Variants in SLC25A18 observed in about 807,000 individuals in gnomAD.
SLC25A18 encodes the protein solute carrier family 25 member 18.
SLC25A18 carries 24 observed loss-of-function variants against 31.1 expected under a neutral mutation model. That is an observed-to-expected ratio of 0.77 (90% CI 0.56 to 1.08). SLC25A18 has a LOEUF of 1.08. Among genes scored for constraint, SLC25A18 ranks in the 50% least tolerant of loss-of-function variants. The pLI is 0.00. For synonymous variants in SLC25A18, 173 were observed against 161.9 expected, an observed-to-expected ratio of 1.07 and a Z score of -0.52; for missense variants, 371 against 418.5, an observed-to-expected ratio of 0.89 and a Z score of 0.99.
At chr22:17,587,047 C>A in intron 7 of SLC25A18, 89 bp from the exon 8 acceptor site, 4 of 1,460,462 alleles carry the variant, frequency 2.7e-6, no homozygotes, top group Non-Finnish European at 3.8e-6. Context: ...TCTGAACTGT[C>A]CCAGGGGCAG....
intron 7 of SLC25A18, among the ~76,000 whole-genome samples, chr22:17,584,403 G>GA (rs112315489): frequency 2.6e-5 from 3 of 117,536 alleles, no homozygotes; most frequent in Admixed American, 8.9e-5. Flanking sequence ...AAAAAGAAAA[G>GA]AAAGAAAGAA....
intron 1 of SLC25A18, among the ~76,000 whole-genome samples, chr22:17,565,023 A>G (rs961892553): frequency 6.6e-6 from 1 of 151,744 alleles, no homozygotes; most frequent in African/African-American, 2.4e-5. Flanking sequence ...GGATGCTCTT[A>G]TTTCTGCCTG....
At chr22:17,564,569 G>A (rs912937001) in intron 1 of SLC25A18, among the ~76,000 whole-genome samples, 32 of 152,020 alleles carry the variant, frequency 2.1e-4, no homozygotes, top group African/African-American at 7.5e-4. Context: ...TTTTAGAAAG[G>A]ACTTAAGTTG....
At chr22:17,586,079 C>T (rs1402657755) in intron 7 of SLC25A18, among the ~76,000 whole-genome samples, 1 of 152,186 alleles carries the variant, frequency 6.6e-6, no homozygotes, top group African/African-American at 2.4e-5. Context: ...GAAGGACCTG[C>T]TCACCTTATC....
intron 2 of SLC25A18, among the ~76,000 whole-genome samples, chr22:17,578,982 G>T (rs1266082141): frequency 6.6e-6 from 1 of 152,160 alleles, no homozygotes. Flanking sequence ...AATGTAGTTT[G>T]GTTTCTCAAC....
intron 2 of SLC25A18, among the ~76,000 whole-genome samples, chr22:17,574,770 C>A (rs1319629337): frequency 6.6e-6 from 1 of 150,390 alleles, no homozygotes; most frequent in Non-Finnish European, 1.5e-5. Flanking sequence ...TCCACCCACC[C>A]TCGGCCTCCC....
intron 7 of SLC25A18, among the ~76,000 whole-genome samples, chr22:17,586,338 T>A (rs1300757842): frequency 7.0e-6 from 1 of 142,590 alleles, no homozygotes; most frequent in Admixed American, 6.9e-5. Flanking sequence ...GTAAGACACC[T>A]TCTCTACTAA....
intron 2 of SLC25A18, among the ~76,000 whole-genome samples, chr22:17,572,782 C>T (rs1301287147): frequency 6.8e-6 from 1 of 147,092 alleles, no homozygotes; most frequent in Non-Finnish European, 1.5e-5. Flanking sequence ...GCTGGGACTA[C>T]AGGCGCCCGC....
At chr22:17,582,805 T>C in intron 6 of SLC25A18, 152 bp downstream of exon 6, 1 of 687,212 alleles carries the variant, frequency 1.5e-6, no homozygotes, top group South Asian at 1.8e-5. Context: ...TTTGGGCTGC[T>C]GGAGAGTGAA....
rs565371636 is a variant in SLC25A18, at chr22:17,586,264, C to G, written c.410-872C>G. 7.2e-5 allele frequency among the ~76,000 whole-genome samples: 11 copies of G among 152,318 alleles called. No individual in the cohort carries two copies. In the South Asian group the frequency reaches 2.3e-3, roughly 32 times the overall value. ...GTGCGGTGGCTCACGCCTGTAATCCCAGCACTTTGGGAGGCAGGTGGATCA... is the reference window on the plus strand; with the variant it reads ...GTGCGGTGGCTCACGCCTGTAATCCGAGCACTTTGGGAGGCAGGTGGATCA... On this transcript the variant is annotated intron_variant, in intron 7 of 10. Coordinates refer to ENST00000327451, the MANE Select transcript of SLC25A18 (RefSeq NM_031481.3).
intron 3 of SLC25A18, chr22:17,580,570 T>C (rs1320449445): frequency 1.0e-6 from 1 of 990,638 alleles, no homozygotes; most frequent in African/African-American, 1.7e-5. Context: ...AGGCACGGTT[T>C]CCATAGTCCT....
chr22:17,581,381 C>A lies in SLC25A18; in HGVS notation c.167C>A (p.Ala56Asp), dbSNP rs548636777. The A allele has an allele frequency of 1.2e-6, 2 of 1,614,122 alleles. No individual in the cohort carries two copies. The highest frequency in any genetic ancestry group is 4.5e-5 in the East Asian group (2 of 44,884). The change falls in exon 5 of 11, where the codon GCT becomes GAT. Residue 56 changes from alanine (A) to aspartate (D), a missense_variant. Ala to Asp is a moderately radical substitution (Grantham distance 126). Coordinates refer to ENST00000327451, the MANE Select transcript of SLC25A18 (RefSeq NM_031481.3). ...AGGATCGACTGCCTGATGAAGACGG[C>A]TCGGGCGGAGGGCTTCTTCGGCATG... ...KGMIDCLMKT[A>D]RAEGFFGMYR...
intron 2 of SLC25A18, among the ~76,000 whole-genome samples, chr22:17,570,788 A>G (rs2057067872): frequency 6.6e-6 from 1 of 152,134 alleles, no homozygotes; most frequent in South Asian, 2.1e-4. Flanking sequence ...GCCCAGCCTC[A>G]AGACCGTCTT....
chr22:17,579,302 G>A (rs769350422), intron 2 of SLC25A18, among the ~76,000 whole-genome samples: 4 of 152,026 alleles, frequency 2.6e-5, no homozygotes, highest in Non-Finnish European at 5.9e-5. Context: ...GCCCAGGCTG[G>A]TCTCGAACTC....
In SLC25A18 at chr22:17,579,887, C is replaced by G; in HGVS notation, c.-58C>G. 10 of 1,586,086 alleles carry G rather than the reference C, an allele frequency of 6.3e-6. No individual in the cohort carries two copies. Among genetic ancestry groups the G allele is most frequent in the African/African-American group, 1.3e-5 (1 of 74,640 alleles). ...CACTTCTTCCCCCAGACAGCCCCAA[C>G]AGCGGCTACCCCAAGGAGCCAGCAG... On this transcript the variant is annotated 5_prime_UTR_variant, in exon 3 of 11. Transcript: ENST00000327451.
At position 17,590,137 on chromosome 22, in the gene SLC25A18, C is replaced by T. The variant is rs147859167; in HGVS notation, c.849C>T (p.Gly283=). 32 of 1,614,124 alleles carry T rather than the reference C, an allele frequency of 2.0e-5. No individual in the cohort carries two copies. The East Asian group carries it at 2.9e-4, about 15-fold the overall frequency. ...AGGGACCATCTGCCTTCATGAAAGG[C>T]GCTGGCTGCCGGGCACTGGTCATAG... is the stretch of plus-strand genomic sequence containing the variant. ...IQEGPSAFMK[G]AGCRALVIAP... The change falls in exon 11 of 11, where the codon GGC becomes GGT. Residue 283 remains glycine (G), a synonymous_variant. Transcript: ENST00000327451.
rs915031757 is a variant in SLC25A18, at chr22:17,584,123, G to A, written c.409+589G>A. 1.5e-5 allele frequency: 15 copies of A among 981,420 alleles called. No individual in the cohort carries two copies. The Admixed American group carries it at 1.8e-4, about 12-fold the overall frequency. The allele number at this position is 981,420 out of a possible 1,614,324, so 60.8% of individuals were successfully genotyped here. A position where few individuals can be genotyped will look rare whatever the true frequency, so the allele number is the denominator to read the frequency against. Reference sequence around the variant, plus strand: ...TTTTAAGAAATGCCAGCTGGGTGCCGTGGCTCACGCCTGTAATCCCAGCAC... The same window carrying A: ...TTTTAAGAAATGCCAGCTGGGTGCCATGGCTCACGCCTGTAATCCCAGCAC... On this transcript the variant is annotated intron_variant, in intron 7 of 10. Coordinates refer to ENST00000327451, the MANE Select transcript of SLC25A18 (RefSeq NM_031481.3).
chr22:17,582,864 GA>G (rs2057418717), intron 6 of SLC25A18, among the ~76,000 whole-genome samples: 1 of 152,098 alleles, frequency 6.6e-6, no homozygotes, highest in South Asian at 2.1e-4. Context: ...ATAATATAGA[GA>G]ACATATAGCA....
intron 1 of SLC25A18, 25 bp downstream of exon 1, chr22:17,563,738 G>A (rs1318755180): frequency 6.1e-6 from 6 of 984,980 alleles, no homozygotes; most frequent in East Asian, 1.1e-4. Context: ...AATACCCACC[G>A]TGAGCCTTGT....
Sources: gnomAD v4.1 joint callset for allele counts (sites outside exome capture counted in the v4.1 genomes callset) on GRCh38, gnomAD v4.1.1 for gene constraint, MANE v1.5 for transcripts, NCBI Gene and HGNC (gene_info 2026-07-23, HGNC 2026-07-21) for gene names.